Variants in CACNA2D1 observed in about 807,000 individuals in gnomAD.
The protein encoded by CACNA2D1 is calcium voltage-gated channel auxiliary subunit alpha2delta 1.
CACNA2D1 carries 53 observed loss-of-function variants against 171.5 expected under a neutral mutation model. The observed-to-expected ratio is 0.31, with a 90% CI of 0.25 to 0.39. CACNA2D1 has a LOEUF of 0.39. Ranked by LOEUF, CACNA2D1 falls within the 10% of genes least tolerant of loss-of-function variation. The pLI is 1.00. For synonymous variants in CACNA2D1, 442 were observed against 443.1 expected, an observed-to-expected ratio of 1.00 and a Z score of 0.03; for missense variants, 903 against 1,299.8, an observed-to-expected ratio of 0.69 and a Z score of 4.69.
chr7:81,973,613 C>A (rs1189842627), intron 25 of CACNA2D1, among the ~76,000 whole-genome samples: 1 of 151,794 alleles, frequency 6.6e-6, no homozygotes, highest in Non-Finnish European at 1.5e-5. Flanking sequence ...AAAGAGACTC[C>A]TCTTTGAGAG....
intron 7 of CACNA2D1, 79 bp downstream of exon 7, chr7:82,084,690 G>T: frequency 6.8e-7 from 1 of 1,462,900 alleles, no homozygotes; most frequent in Non-Finnish European, 9.6e-7. Context: ...TTTTCTTACA[G>T]TATCAGGGAA....
chr7:82,405,967 G>A (rs1826989097), intron 1 of CACNA2D1, among the ~76,000 whole-genome samples: 1 of 152,042 alleles, frequency 6.6e-6, no homozygotes, highest in South Asian at 2.1e-4. Flanking sequence ...GTATCCACGT[G>A]CCATGTTGGT....
At chr7:81,983,383 G>C in intron 22 of CACNA2D1, 49 bp from the exon 23 acceptor site, 2 of 1,475,138 alleles carry the variant, frequency 1.4e-6, no homozygotes, top group Non-Finnish European at 9.4e-7. Context: ...AAAAAAAAGA[G>C]GGTAAAGCAA....
chr7:82,061,910 A>G (rs1473019574), intron 9 of CACNA2D1, among the ~76,000 whole-genome samples: 2 of 152,146 alleles, frequency 1.3e-5, no homozygotes, highest in African/African-American at 4.8e-5. Flanking sequence ...TAGAAATGCA[A>G]AAGCCTGAAA....
At chr7:82,358,326 G>A (rs1820693836) in intron 1 of CACNA2D1, among the ~76,000 whole-genome samples, 2 of 152,202 alleles carry the variant, frequency 1.3e-5, no homozygotes, top group South Asian at 2.1e-4. Flanking sequence ...TTATAACATG[G>A]ATAAGTATAC....
intron 6 of CACNA2D1, among the ~76,000 whole-genome samples, chr7:82,090,931 G>A (rs1365927508): frequency 1.3e-5 from 2 of 151,636 alleles, no homozygotes; most frequent in Admixed American, 1.3e-4. Flanking sequence ...ACTACCTTAA[G>A]AAAAGTCATT....
intron 14 of CACNA2D1, 49 bp from the exon 15 acceptor site, chr7:82,012,292 G>A (rs1799884825): frequency 4.1e-6 from 4 of 964,520 alleles, no homozygotes; most frequent in Non-Finnish European, 5.0e-6. Flanking sequence ...TAGGAATGCT[G>A]TGTTGAAATA....
chr7:82,393,111 C>CAGGGAGGG (rs1413640781), intron 1 of CACNA2D1, among the ~76,000 whole-genome samples: 44 of 86,884 alleles, frequency 5.1e-4, no homozygotes, highest in African/African-American at 1.7e-3. Context: ...GGCAGGCAGG[C>CAGGGAGGG]AGGGAGGGAG....
chr7:82,082,967 C>G (rs1046960839), intron 7 of CACNA2D1, among the ~76,000 whole-genome samples: 1 of 151,906 alleles, frequency 6.6e-6, no homozygotes, highest in Non-Finnish European at 1.5e-5. Flanking sequence ...GTTCATAATA[C>G]AACTTATCTT....
intron 3 of CACNA2D1, 81 bp downstream of exon 3, chr7:82,335,054 A>C (rs916076943): frequency 1.2e-5 from 11 of 922,000 alleles, no homozygotes; most frequent in Non-Finnish European, 1.8e-5. Flanking sequence ...ACGCATACCA[A>C]AACCCCTCAA....
chr7:82,076,562 A>G (rs967581512), intron 7 of CACNA2D1, among the ~76,000 whole-genome samples: 1 of 152,162 alleles, frequency 6.6e-6, no homozygotes, highest in Non-Finnish European at 1.5e-5. Context: ...TCTATTTAAG[A>G]ATTAATTCCT....
rs1443535574 is a variant in CACNA2D1 at position 81,959,422 on chromosome 7, G to GCAA, written c.3077-68_3077-66dup. The GCAA allele has an allele frequency of 3.6e-6, 4 of 1,100,962 alleles. No individual in the cohort carries two copies. In the Admixed American group the frequency reaches 6.8e-5, roughly 19 times the overall value. The allele number at this position is 1,100,962 out of a possible 1,614,324, so 68.2% of individuals were successfully genotyped here. On this transcript the variant is annotated intron_variant, in intron 37 of 38. Coordinates refer to ENST00000356860, the MANE Select transcript of CACNA2D1 (RefSeq NM_000722.4). Reference sequence around the variant, plus strand: ...TCACATGATTAAAAATAAATACAATGCAATGTATTTCCCAAAACATGTGAG... The same window carrying GCAA: ...TCACATGATTAAAAATAAATACAATGCAACAATGTATTTCCCAAAACATGTGAG...
chr7:82,248,410 C>G (rs936614071), intron 3 of CACNA2D1, among the ~76,000 whole-genome samples: 1 of 152,040 alleles, frequency 6.6e-6, no homozygotes, highest in Non-Finnish European at 1.5e-5. Flanking sequence ...CCAGGGGTGA[C>G]CCCATTTGAA....
intron 3 of CACNA2D1, among the ~76,000 whole-genome samples, chr7:82,328,879 A>C (rs1021319780): frequency 3.3e-5 from 5 of 152,122 alleles, no homozygotes; most frequent in Non-Finnish European, 7.4e-5. Context: ...ATTCTCACAA[A>C]AGTAAATCAA....
chr7:82,005,414 T>A lies in CACNA2D1; in HGVS notation c.1590+9A>T. 1.3e-6 allele frequency: 2 copies of A among 1,514,822 alleles called. No individual in the cohort carries two copies. The highest frequency in any genetic ancestry group is 1.8e-6 in the Non-Finnish European group (2 of 1,096,536). 93.8% of individuals were successfully genotyped at this position (1,514,822 alleles called of 1,614,324 possible). On this transcript the variant is annotated intron_variant, in intron 18 of 38. Transcript: ENST00000356860. Reference sequence around the variant, plus strand: ...AACACTAATCACTGTAAACAAATTATATACTGACCTTTGGCTGAAGATTTG... The same window carrying A: ...AACACTAATCACTGTAAACAAATTAAATACTGACCTTTGGCTGAAGATTTG...
chr7:81,979,347 T>G (rs78340505), intron 24 of CACNA2D1, among the ~76,000 whole-genome samples: 13,049 of 152,230 alleles, frequency 0.086, 605 homozygotes, highest in Middle Eastern at 0.2. Flanking sequence ...AAATGGTTCA[T>G]ACACTAATAC....
intron 1 of CACNA2D1, among the ~76,000 whole-genome samples, chr7:82,423,078 C>A (rs953837618): frequency 6.6e-6 from 1 of 152,052 alleles, no homozygotes; most frequent in African/African-American, 2.4e-5. Context: ...TTGTTTAATT[C>A]TGGATGTGTT....
intron 3 of CACNA2D1, among the ~76,000 whole-genome samples, chr7:82,292,011 A>C (rs951687919): frequency 6.6e-6 from 1 of 151,860 alleles, no homozygotes; most frequent in Non-Finnish European, 1.5e-5. Context: ...GCACACACAC[A>C]CACACACATT....
At chr7:82,197,239 A>G (rs1798944226) in intron 3 of CACNA2D1, among the ~76,000 whole-genome samples, 2 of 152,066 alleles carry the variant, frequency 1.3e-5, no homozygotes, top group African/African-American at 2.4e-5. Flanking sequence ...GTATTCAGAA[A>G]CAAAACCTAA....
Sources: gnomAD v4.1 joint callset for allele counts (sites outside exome capture counted in the v4.1 genomes callset) on GRCh38, gnomAD v4.1.1 for gene constraint, MANE v1.5 for transcripts, NCBI Gene and HGNC (gene_info 2026-07-23, HGNC 2026-07-21) for gene names.